Variants in APOOL observed in about 807,000 individuals in gnomAD.
APOOL encodes MICOS complex subunit MIC27.
A neutral mutation model predicts 23.1 loss-of-function variants in APOOL; 12 were observed. The ratio of observed to expected loss-of-function variants is 0.52; its 90% CI spans 0.33 to 0.84. The LOEUF is 0.84. Among genes scored for constraint, APOOL ranks in the 40% least tolerant of loss-of-function variants. APOOL has a pLI of 0.02. For synonymous variants in APOOL, 77 were observed against 69.9 expected (o/e 1.10, Z -0.51); for missense variants, 212 against 199.6 (o/e 1.06, Z -0.37).
At chrX:85,019,066 TG>T (rs1224287015) in intron 1 of APOOL, among the ~76,000 whole-genome samples, 1 of 110,972 alleles carries the variant, frequency 9.0e-6, no homozygotes, top group Non-Finnish European at 1.9e-5. Context: ...TTTTCTCTCA[TG>T]GGGGGATATT....
intron 5 of APOOL, among the ~76,000 whole-genome samples, chrX:85,060,260 A>G (rs1161027492): frequency 8.6e-5 from 9 of 104,463 alleles, no homozygotes; most frequent in African/African-American, 3.2e-4. Context: ...TACCAGTACC[A>G]TGCTGTTTTG....
chrX:85,007,337 A>C lies in APOOL; in HGVS notation c.15+3410A>C, dbSNP rs774600748. Among the ~76,000 whole-genome samples the C allele has an allele frequency of 4.0e-4, 45 of 111,268 alleles. No individual in the cohort carries two copies. The South Asian group carries it at 5.0e-3, about 12-fold the overall frequency. On this transcript the variant is annotated intron_variant, in intron 1 of 8. Coordinates refer to ENST00000373173, the MANE Select transcript of APOOL (RefSeq NM_198450.6). ...TGAGTGTTGTCAAAGTGAGAATGAT[A>C]GAAGATCTAGGGAATTTATCCAAAT...
chrX:85,029,935 G>A (rs1013310568), intron 1 of APOOL, among the ~76,000 whole-genome samples: 1 of 112,056 alleles, frequency 8.9e-6, no homozygotes, highest in Non-Finnish European at 1.9e-5. Flanking sequence ...CAACCACTAT[G>A]GAAAACAGTA....
Position 85,040,976 on chromosome X carries a change from G to A in APOOL, c.16-5470G>A, listed in dbSNP as rs141154758. ...GACACTGGCTTTTCCAGTTGCCCGA[G>A]TTCTTGCACTCATTCTTTTTCATGT... On this transcript the variant is annotated intron_variant, in intron 1 of 8. Transcript: ENST00000373173. Among the ~76,000 whole-genome samples the A allele has an allele frequency of 4.0e-3, 447 of 112,003 alleles. 2 individuals are homozygous for A. Among genetic ancestry groups the A allele is most frequent in the African/African-American group, 0.014 (434 of 30,843 alleles).
At chrX:85,074,535 T>C in intron 8 of APOOL, 144 bp downstream of exon 8, 1 of 676,756 alleles carries the variant, frequency 1.5e-6, no homozygotes, top group Non-Finnish European at 2.2e-6. Flanking sequence ...TCTTTTTAGG[T>C]TATGAGGTAC....
chrX:85,069,610 TAAAAAAAA>T (rs774325087), intron 6 of APOOL, among the ~76,000 whole-genome samples: 1 of 40,975 alleles, frequency 2.4e-5, no homozygotes, highest in Admixed American at 3.5e-4. Flanking sequence ...ACGCCATCTC[TAAAAAAAA>T]AAAAAAAAAA....
intron 4 of APOOL, among the ~76,000 whole-genome samples, chrX:85,055,226 G>A (rs1476498796): frequency 9.0e-6 from 1 of 111,511 alleles, no homozygotes; most frequent in Non-Finnish European, 1.9e-5. Context: ...AACTATGATA[G>A]AAAAGTGTAC....
chrX:85,048,212 T>C (rs960742674), intron 2 of APOOL, among the ~76,000 whole-genome samples: 2 of 111,258 alleles, frequency 1.8e-5, no homozygotes, highest in Non-Finnish European at 3.8e-5. Context: ...CTGTTCTAAT[T>C]ACTAGATAAA....
At chrX:85,016,740 T>C (rs1440571526) in intron 1 of APOOL, among the ~76,000 whole-genome samples, 1 of 111,992 alleles carries the variant, frequency 8.9e-6, no homozygotes, top group East Asian at 2.8e-4. Context: ...AGGTGTAGAC[T>C]TTCTCTACTG....
chrX:85,067,118 A>G lies in APOOL; in HGVS notation c.395-9A>G. On this transcript the variant is annotated splice_polypyrimidine_tract_variant and intron_variant, in intron 5 of 8. Coordinates refer to ENST00000373173, the MANE Select transcript of APOOL (RefSeq NM_198450.6). ...ATTTGGAGTTTAATAATATATTTGC[A>G]TTTTATAGGTTCCAAGTTTAAGAAA... is the stretch of plus-strand genomic sequence containing the variant. 5 of 1,113,980 alleles carry G rather than the reference A, an allele frequency of 4.5e-6. No homozygotes were observed. Among genetic ancestry groups the G allele is most frequent in the Non-Finnish European group, 6.0e-6 (5 of 827,833 alleles). The allele number at this position is 1,113,980 out of a possible 1,213,427, so 91.8% of individuals were successfully genotyped here. A position where few individuals can be genotyped will look rare whatever the true frequency, so the allele number is the denominator to read the frequency against.
intron 2 of APOOL, among the ~76,000 whole-genome samples, chrX:85,049,358 A>T (rs2147645899): frequency 8.9e-6 from 1 of 111,863 alleles, no homozygotes; most frequent in African/African-American, 3.2e-5. Context: ...CCTATGCCTT[A>T]GAAGGAAAAT....
At chrX:85,071,922 G>A (rs1420072355) in intron 6 of APOOL, among the ~76,000 whole-genome samples, 1 of 111,476 alleles carries the variant, frequency 9.0e-6, no homozygotes, top group Non-Finnish European at 1.9e-5. Context: ...GTGAAACCCC[G>A]TCTCTACTAA....
intron 1 of APOOL, among the ~76,000 whole-genome samples, chrX:85,041,640 G>A (rs887372504): frequency 3.6e-5 from 4 of 111,338 alleles, no homozygotes; most frequent in African/African-American, 1.3e-4. Flanking sequence ...CAAGGCCCTT[G>A]GGCATCCTTA....
intron 8 of APOOL, among the ~76,000 whole-genome samples, chrX:85,079,037 C>G (rs1320549333): frequency 3.6e-5 from 4 of 111,555 alleles, no homozygotes. Context: ...CATCTGCAAA[C>G]AGGGACAATT....
Position 85,069,219 on chromosome X carries a change from A to C in APOOL, c.486+2001A>C, listed in dbSNP as rs746658697. Among the ~76,000 whole-genome samples, 5 of 110,528 alleles carry C rather than the reference A, an allele frequency of 4.5e-5. No individual in the cohort carries two copies. In the South Asian group the frequency reaches 1.5e-3, roughly 34 times the overall value. On this transcript the variant is annotated intron_variant, in intron 6 of 8. Transcript: ENST00000373173. Reference sequence around the variant, plus strand: ...ACCTGAGATCCATGATGGACTTTAGAGAGTCTATAGCACACCCTCCTATCC... The same window carrying C: ...ACCTGAGATCCATGATGGACTTTAGCGAGTCTATAGCACACCCTCCTATCC...
At chrX:85,022,859 C>T (rs1386323958) in intron 1 of APOOL, among the ~76,000 whole-genome samples, 1 of 111,637 alleles carries the variant, frequency 9.0e-6, no homozygotes, top group African/African-American at 3.3e-5. Flanking sequence ...AATTTGTTTC[C>T]CAATGTTGGA....
chrX:85,027,794 G>A (rs1485468246), intron 1 of APOOL, among the ~76,000 whole-genome samples: 5 of 112,147 alleles, frequency 4.5e-5, no homozygotes, highest in African/African-American at 1.6e-4. Context: ...TCAATTTGTT[G>A]TAAGTGATTT....
chrX:85,077,726 A>G (rs1923914087), intron 8 of APOOL, among the ~76,000 whole-genome samples: 1 of 111,794 alleles, frequency 8.9e-6, no homozygotes, highest in African/African-American at 3.3e-5. Context: ...TCCCACCAAC[A>G]GTGTAAAAGC....
chrX:85,057,181 C>T (rs1260669301), intron 5 of APOOL, among the ~76,000 whole-genome samples: 1 of 110,914 alleles, frequency 9.0e-6, no homozygotes, highest in Non-Finnish European at 1.9e-5. Context: ...AATTTATATA[C>T]AGATTTTTCA....
Sources: allele counts gnomAD v4.1 joint callset (sites outside exome capture counted in the v4.1 genomes callset), GRCh38; gene constraint gnomAD v4.1.1; transcripts MANE v1.5; gene names NCBI Gene and HGNC (gene_info 2026-07-23, HGNC 2026-07-21).